RABGAP1L: variants seen among roughly 807,000 people sequenced by gnomAD.
The protein encoded by RABGAP1L is RAB GTPase activating protein 1 like, also known as rab GTPase-activating protein 1-like.
RABGAP1L carries 63 observed loss-of-function variants against 137.7 expected under a neutral mutation model. The observed-to-expected ratio is 0.46, with a 90% CI of 0.37 to 0.56. RABGAP1L has a LOEUF of 0.56. Among genes scored for constraint, RABGAP1L ranks in the 20% least tolerant of loss-of-function variants. RABGAP1L has a pLI of 0.00. For synonymous variants in RABGAP1L, 431 were observed against 433.7 expected, an observed-to-expected ratio of 0.99 and a Z score of 0.08; for missense variants, 1,095 against 1,244.0, an observed-to-expected ratio of 0.88 and a Z score of 1.80.
chr1:174,563,148 C>T (rs1667337414), intron 13 of RABGAP1L, among the ~76,000 whole-genome samples: 1 of 152,098 alleles, frequency 6.6e-6, no homozygotes, highest in Admixed American at 6.6e-5. Context: ...TGGCTCTTTA[C>T]CACAAAAGTT....
intron 13 of RABGAP1L, among the ~76,000 whole-genome samples, chr1:174,546,874 C>CA (rs1370245487): frequency 6.6e-6 from 1 of 150,740 alleles, no homozygotes; most frequent in African/African-American, 2.4e-5. Context: ...ACTGAAAATA[C>CA]AAAAAATTAG....
intron 1 of RABGAP1L, among the ~76,000 whole-genome samples, chr1:174,195,994 C>A (rs1362455225): frequency 6.6e-6 from 1 of 150,876 alleles, no homozygotes; most frequent in Non-Finnish European, 1.5e-5. Flanking sequence ...CACCACCATG[C>A]CTGGCTAATT....
At chr1:174,371,806 CA>C (rs1685134150) in intron 12 of RABGAP1L, among the ~76,000 whole-genome samples, 1 of 152,104 alleles carries the variant, frequency 6.6e-6, no homozygotes, top group South Asian at 2.1e-4. Context: ...CGGAATTTCA[CA>C]GTTCAGTAGA....
In RABGAP1L at chr1:174,534,361, G is replaced by A. The variant is rs573420284; in HGVS notation, c.1711-103014G>A. ...GGATTACATTTCACGACCCCCAGTG[G>A]ATGTCTAAAACTAGATTAGTACTAA... On this transcript the variant is annotated intron_variant, in intron 13 of 25. Transcript: ENST00000681986. 3.3e-5 allele frequency among the ~76,000 whole-genome samples: 5 copies of A among 152,114 alleles called. No homozygotes were observed. In the East Asian group the frequency reaches 7.7e-4, roughly 23 times the overall value.
chr1:174,582,007 T>A (rs1187569515), intron 13 of RABGAP1L, among the ~76,000 whole-genome samples: 1 of 152,184 alleles, frequency 6.6e-6, no homozygotes, highest in Non-Finnish European at 1.5e-5. Flanking sequence ...TGATGAGTTA[T>A]TGTTTTAAGT....
At chr1:174,290,830 C>T (rs1366088194) in intron 10 of RABGAP1L, among the ~76,000 whole-genome samples, 11 of 150,458 alleles carry the variant, frequency 7.3e-5, no homozygotes, top group African/African-American at 9.8e-5. Flanking sequence ...GGCGAGATCT[C>T]GGCTCACTGC....
At chr1:174,850,478 G>C (rs768689069) in intron 19 of RABGAP1L, among the ~76,000 whole-genome samples, 2 of 152,180 alleles carry the variant, frequency 1.3e-5, no homozygotes, top group African/African-American at 2.4e-5. Flanking sequence ...TATACCTTTT[G>C]TGTTTTGTAC....
intron 10 of RABGAP1L, 26 bp from the exon 11 acceptor site, chr1:174,304,960 T>C (rs747646324): frequency 7.3e-6 from 11 of 1,499,878 alleles, no homozygotes; most frequent in Non-Finnish European, 8.9e-6. Flanking sequence ...TTCTAATACT[T>C]AAATATACTG....
At chr1:174,745,654 C>T (rs1177688567) in intron 17 of RABGAP1L, among the ~76,000 whole-genome samples, 1 of 152,094 alleles carries the variant, frequency 6.6e-6, no homozygotes, top group African/African-American at 2.4e-5. Context: ...TGCCATAGAG[C>T]TGTTGAGAGG....
intron 19 of RABGAP1L, among the ~76,000 whole-genome samples, chr1:174,944,147 C>T (rs1233820551): frequency 6.6e-6 from 1 of 151,482 alleles, no homozygotes; most frequent in African/African-American, 2.4e-5. Flanking sequence ...GTGGTGTGCA[C>T]CTGTAATCCT....
intron 13 of RABGAP1L, among the ~76,000 whole-genome samples, chr1:174,550,962 A>G (rs1361638978): frequency 9.6e-5 from 10 of 104,518 alleles, no homozygotes; most frequent in Admixed American, 6.8e-4. Flanking sequence ...ATATATACAC[A>G]TATATATACA....
In RABGAP1L at chr1:174,818,728, G is replaced by C. The variant is rs185079430; in HGVS notation, c.2340+6768G>C. ...CCATCTCTACAAAATATTTGAAAAG[G>C]CTGGGTGTGATGGCTCACACCTGTA... is the stretch of plus-strand genomic sequence containing the variant. On this transcript the variant is annotated intron_variant, in intron 19 of 25. Coordinates refer to ENST00000681986, the MANE Select transcript of RABGAP1L (RefSeq NM_001366446.1). Among the ~76,000 whole-genome samples, 150 of 151,932 alleles carry C rather than the reference G, an allele frequency of 9.9e-4. 1 individual carries two copies. Among genetic ancestry groups the C allele is most frequent in the African/African-American group, 3.5e-3 (146 of 41,442 alleles).
At chr1:174,337,464 A>T (rs1281614641) in intron 11 of RABGAP1L, among the ~76,000 whole-genome samples, 1 of 152,170 alleles carries the variant, frequency 6.6e-6, no homozygotes, top group African/African-American at 2.4e-5. Flanking sequence ...GCAGGCCATG[A>T]AGAGCCTCCA....
chr1:174,641,683 A>G (rs1557940534), intron 14 of RABGAP1L, among the ~76,000 whole-genome samples: 1 of 152,138 alleles, frequency 6.6e-6, no homozygotes, highest in African/African-American at 2.4e-5. Context: ...GGTATAGTTT[A>G]AAGCACTGGG....
intron 1 of RABGAP1L, among the ~76,000 whole-genome samples, chr1:174,161,702 A>G (rs1040118462): frequency 5.9e-5 from 9 of 152,040 alleles, no homozygotes; most frequent in Non-Finnish European, 1.2e-4. Flanking sequence ...ACCAACCTAA[A>G]AAAGTGTGAC....
intron 19 of RABGAP1L, among the ~76,000 whole-genome samples, chr1:174,895,256 T>C (rs1021455840): frequency 6.6e-6 from 1 of 152,230 alleles, no homozygotes; most frequent in African/African-American, 2.4e-5. Context: ...GTTTAAAATA[T>C]TTATAGGCTG....
intron 12 of RABGAP1L, among the ~76,000 whole-genome samples, chr1:174,380,058 G>A (rs1018794701): frequency 7.0e-5 from 10 of 142,358 alleles, no homozygotes; most frequent in African/African-American, 2.7e-4. Context: ...TGTGGTTTTT[G>A]TCTTTGGCTC....
intron 10 of RABGAP1L, among the ~76,000 whole-genome samples, chr1:174,281,083 C>T (rs542581256): frequency 8.6e-5 from 13 of 152,022 alleles, no homozygotes; most frequent in Admixed American, 2.6e-4. Flanking sequence ...CAGACCTTCG[C>T]GGTGAGTGTT....
At chr1:174,373,239 C>T (rs1685251156) in intron 12 of RABGAP1L, among the ~76,000 whole-genome samples, 1 of 152,124 alleles carries the variant, frequency 6.6e-6, no homozygotes, top group African/African-American at 2.4e-5. Context: ...TAGTTAGAGG[C>T]AGATGACTTT....
Sources: gnomAD v4.1 joint callset for allele counts (sites outside exome capture counted in the v4.1 genomes callset) on GRCh38, gnomAD v4.1.1 for gene constraint, MANE v1.5 for transcripts, NCBI Gene and HGNC (gene_info 2026-07-23, HGNC 2026-07-21) for gene names.